The following PHACTR2 variants were observed in gnomAD, a reference collection of about 807,000 sequenced individuals.
PHACTR2 encodes phosphatase and actin regulator 2.
Under a neutral mutation model 76.0 loss-of-function variants are expected in PHACTR2, and 30 were observed. The ratio of observed to expected loss-of-function variants is 0.39; its 90% confidence interval spans 0.30 to 0.54. PHACTR2 has a LOEUF of 0.54. Among genes scored for constraint, PHACTR2 ranks in the 20% least tolerant of loss-of-function variants. The probability of loss-of-function intolerance (pLI) is 0.61; values close to 1 mark genes in which losing one functional copy is unlikely to be tolerated. For missense variants in PHACTR2, 696 were observed against 781.1 expected, an observed-to-expected ratio of 0.89 and a Z score of 1.30; for synonymous variants, 292 against 292.5, an observed-to-expected ratio of 1.00 and a Z score of 0.02.
intron 1 of PHACTR2, among the ~76,000 whole-genome samples, chr6:143,665,001 T>C (rs545849873): frequency 6.6e-6 from 1 of 152,210 alleles, no homozygotes; most frequent in South Asian, 2.1e-4. Context: ...GGTTTCACCA[T>C]GTTGGCCAAG....
At chr6:143,790,829 AC>A (rs1028407431) in intron 11 of PHACTR2, among the ~76,000 whole-genome samples, 4 of 152,008 alleles carry the variant, frequency 2.6e-5, no homozygotes, top group Non-Finnish European at 5.9e-5. Flanking sequence ...GCCCGCCACC[AC>A]GCCCAGCTAT....
At position 143,789,046 on chromosome 6, in the gene PHACTR2, T is replaced by A; in HGVS notation, c.1845+136T>A. 2 of 656,254 alleles carry A rather than the reference T, an allele frequency of 3.0e-6. No individual in the cohort carries two copies. The highest frequency in any genetic ancestry group is 5.1e-6 in the Non-Finnish European group (2 of 388,380). The allele number at this position is 656,254 out of a possible 1,614,324, so 40.7% of individuals were successfully genotyped here. A position where few individuals can be genotyped will look rare whatever the true frequency, so the allele number is the denominator to read the frequency against. ...CAACAGTTTTCTGCCTCTGATTATT[T>A]AAGCCACTTAAGTGATACATTTAGT... On this transcript the variant is annotated intron_variant, in intron 11 of 12. Transcript: ENST00000440869. The surrounding 1 kb of genome is among the most constrained non-coding windows in gnomAD (Gnocchi z 5.1).
chr6:143,786,214 T>A (rs185774933), intron 10 of PHACTR2, among the ~76,000 whole-genome samples: 291 of 152,284 alleles, frequency 1.9e-3, no homozygotes, highest in African/African-American at 6.7e-3. Context: ...ATACCCTAAA[T>A]CATCTCTCTC....
At chr6:143,615,513 C>A (rs1015216911) in intron 1 of PHACTR2, among the ~76,000 whole-genome samples, 1 of 151,960 alleles carries the variant, frequency 6.6e-6, no homozygotes, top group Admixed American at 6.6e-5. Flanking sequence ...ATGGATAAGA[C>A]AAAATATAGT....
At chr6:143,577,492 G>A (rs569174997) in intron 1 of PHACTR2, among the ~76,000 whole-genome samples, 1 of 152,172 alleles carries the variant, frequency 6.6e-6, no homozygotes, top group South Asian at 2.1e-4. Context: ...AGCAAAAAAA[G>A]GTGTGAAAAA....
intron 1 of PHACTR2, among the ~76,000 whole-genome samples, chr6:143,704,982 A>C (rs147997388): frequency 1.1e-4 from 17 of 151,296 alleles, no homozygotes; most frequent in African/African-American, 4.1e-4. Context: ...ACGCTCCACC[A>C]TGCCCGGATA....
chr6:143,598,089 C>T lies in PHACTR2; in HGVS notation c.217+60882C>T, dbSNP rs778042258. Among the ~76,000 whole-genome samples, 3 of 152,024 alleles carry T rather than the reference C, an allele frequency of 2.0e-5. No homozygotes were observed. Among genetic ancestry groups the T allele is most frequent in the African/African-American group, 4.8e-5 (2 of 41,444 alleles). On this transcript the variant is annotated intron_variant, in intron 1 of 11. Coordinates refer to the PHACTR2 transcript ENST00000367584. This position sits in a 1 kb window ranked among gnomAD's most constrained non-coding sequence, Gnocchi z 4.1. ...ATATAGTAGGTCGAAGAATGCCCCC[C>T]GCGCCCCCAAAAAAGAACCATATCT...
chr6:143,732,048 A>T (rs565765687), intron 2 of PHACTR2, among the ~76,000 whole-genome samples: 2 of 152,344 alleles, frequency 1.3e-5, no homozygotes, highest in Admixed American at 1.3e-4. Flanking sequence ...GTCTATGTGC[A>T]AATGCTACTT....
intron 1 of PHACTR2, among the ~76,000 whole-genome samples, chr6:143,629,346 GGTATTTT>G (rs1776320906): frequency 6.6e-6 from 1 of 151,952 alleles, no homozygotes; most frequent in Non-Finnish European, 1.5e-5. Context: ...TCCTTTCAGT[GGTATTTT>G]TAAAACCACG....
chr6:143,808,359 C>T (rs548941045), intron 12 of PHACTR2, among the ~76,000 whole-genome samples: 1 of 152,124 alleles, frequency 6.6e-6, no homozygotes, highest in East Asian at 1.9e-4. Context: ...AAACTCCTAA[C>T]CTAGAGTGAT....
chr6:143,723,413 T>C (rs1341132203), intron 2 of PHACTR2, among the ~76,000 whole-genome samples: 1 of 152,164 alleles, frequency 6.6e-6, no homozygotes, highest in Non-Finnish European at 1.5e-5. Flanking sequence ...AAGAAACACA[T>C]TGCAAGAAGA....
intron 1 of PHACTR2, among the ~76,000 whole-genome samples, chr6:143,563,446 C>T (rs1340429474): frequency 6.6e-6 from 1 of 150,976 alleles, no homozygotes; most frequent in African/African-American, 2.4e-5. Context: ...GTTCCAGGTA[C>T]TCAGGAGGCT....
chr6:143,567,337 T>G (rs890777515), intron 1 of PHACTR2, among the ~76,000 whole-genome samples: 1 of 152,180 alleles, frequency 6.6e-6, no homozygotes, highest in Non-Finnish European at 1.5e-5. Context: ...CCTATAGTTT[T>G]CTCCATACAG....
intron 12 of PHACTR2, among the ~76,000 whole-genome samples, chr6:143,815,932 AT>A (rs1394511102): frequency 1.3e-5 from 2 of 152,010 alleles, no homozygotes; most frequent in African/African-American, 4.8e-5. Flanking sequence ...AAGATGAATA[AT>A]TTTTTAAAAT....
intron 1 of PHACTR2, among the ~76,000 whole-genome samples, chr6:143,565,562 G>A (rs9376757): frequency 0.59 from 87,363 of 148,650 alleles, 26,125 homozygotes; most frequent in Middle Eastern, 0.72. Context: ...CCAAGATCGC[G>A]CCACTGCACT....
chr6:143,690,074 G>A (rs560292237), intron 1 of PHACTR2, among the ~76,000 whole-genome samples: 1 of 152,358 alleles, frequency 6.6e-6, no homozygotes, highest in Admixed American at 6.5e-5. Context: ...GCTAAGGCTT[G>A]TGGTAAACCA....
intron 1 of PHACTR2, among the ~76,000 whole-genome samples, chr6:143,635,270 T>C (rs1369178746): frequency 6.6e-6 from 1 of 152,160 alleles, no homozygotes; most frequent in Non-Finnish European, 1.5e-5. Flanking sequence ...ATTATTTGCA[T>C]GTACTCAAAT....
Position 143,578,708 on chromosome 6 carries a change from C to T in PHACTR2, c.217+41501C>T, listed in dbSNP as rs9403512. 0.28 allele frequency among the ~76,000 whole-genome samples: 42,848 copies of T among 151,112 alleles called. 6,076 individuals carry two copies. Among genetic ancestry groups the T allele is most frequent in the Middle Eastern group, 0.41 (122 of 294 alleles). On this transcript the variant is annotated intron_variant, in intron 1 of 11. Coordinates refer to the PHACTR2 transcript ENST00000367584. This position sits in a 1 kb window ranked among gnomAD's most constrained non-coding sequence, Gnocchi z 4.5. ...TGAGTGCAGAAGAGGAGGATGAAGA[C>T]GATTATAACAATGGAGAGGTAGATG... is the stretch of plus-strand genomic sequence containing the variant.
At chr6:143,716,444 G>T (rs1778303126) in intron 2 of PHACTR2, among the ~76,000 whole-genome samples, 1 of 152,138 alleles carries the variant, frequency 6.6e-6, no homozygotes, top group Non-Finnish European at 1.5e-5. Flanking sequence ...TCCCGCCTCA[G>T]CCTCCCAAGC....
Sources: allele counts gnomAD v4.1 joint callset (sites outside exome capture counted in the v4.1 genomes callset), GRCh38; gene constraint gnomAD v4.1.1; non-coding constraint Gnocchi (gnomAD v3.1); transcripts MANE v1.5; gene names NCBI Gene and HGNC (gene_info 2026-07-23, HGNC 2026-07-21).